Variants in TCIRG1 observed in about 807,000 individuals in gnomAD.
TCIRG1 encodes the protein V-type proton ATPase 116 kDa subunit a 3.
In TCIRG1, 86 loss-of-function variants were observed where a neutral mutation model predicts 95.5. The ratio of observed to expected loss-of-function variants is 0.90; its 90% confidence interval spans 0.76 to 1.08. TCIRG1 has a LOEUF of 1.08. Ranked by LOEUF, TCIRG1 falls within the 50% of genes least tolerant of loss-of-function variation. The pLI is 0.00. For synonymous variants in TCIRG1, 499 were observed against 501.3 expected (o/e 1.00, Z 0.06); for missense variants, 1,069 against 1,140.2 (o/e 0.94, Z 0.90).
In TCIRG1 at chr11:68,044,989, G is replaced by A. The variant is rs758621844; in HGVS notation, c.1052G>A (p.Arg351His). 76 of 1,608,478 alleles carry A rather than the reference G, an allele frequency of 4.7e-5. No homozygotes were observed. Among genetic ancestry groups the A allele is most frequent in the Non-Finnish European group, 5.7e-5 (67 of 1,179,976 alleles). The stretch of plus-strand genomic sequence containing the variant: ...GAGGGAGTGAGTGCCGTGGCTCACC[G>A]CATCCCCTGCCGGGACATGCCCCCC... ...MEEGVSAVAH[R>H]IPCRDMPPTL... Residue 351 changes from arginine (R) to histidine (H), a missense_variant, in exon 10 of 20, where the codon CGC becomes CAC. By Grantham distance (29) the Arg-to-His change is conservative (BLOSUM62 0). Transcript: ENST00000265686.
chr11:68,048,023 G>T, intron 13 of TCIRG1, 51 bp downstream of exon 13: 1 of 1,516,810 alleles, frequency 6.6e-7, no homozygotes, highest in Non-Finnish European at 9.2e-7. Flanking sequence ...CTGGGAGTGG[G>T]GGCTGGGGCT....
In TCIRG1 at chr11:68,048,934, T is replaced by C. The variant is rs1417375420; in HGVS notation, c.1610T>C (p.Met537Thr). 1 of 1,613,658 alleles carries C rather than the reference T, an allele frequency of 6.2e-7. No individual in the cohort carries two copies. Residue 537 changes from methionine (M) to threonine (T), a missense_variant, in exon 14 of 20, where the codon ATG becomes ACG. Physicochemically the swap from Met to Thr is moderately conservative, Grantham distance 81. Transcript: ENST00000265686. ...LSFLNSFKMK[M>T]SVILGVVHMA... ...TTCCTCAACTCCTTCAAGATGAAGA[T>C]GTCCGTCATCCTGGGCGTCGTGCAC... is the stretch of plus-strand genomic sequence containing the variant.
At chr11:68,048,292 T>G (rs112084669) in intron 13 of TCIRG1, 8 of 452,146 alleles carry the variant, frequency 1.8e-5, no homozygotes, top group African/African-American at 1.2e-4. Context: ...TGATTTTCTT[T>G]TTTCTTTTTT....
At position 68,050,760 on chromosome 11, in the gene TCIRG1, T is replaced by C; in HGVS notation, c.2434T>C (p.Phe812Leu). 1 of 1,613,914 alleles carries C rather than the reference T, an allele frequency of 6.2e-7. No homozygotes were observed. Among genetic ancestry groups the C allele is most frequent in the Non-Finnish European group, 8.5e-7 (1 of 1,180,020 alleles). Residue 812 changes from phenylalanine (F) to leucine (L), a missense_variant, in exon 20 of 20, where the codon TTC (phenylalanine) becomes CTC (leucine). Phe to Leu is a conservative substitution (Grantham distance 22). Transcript: ENST00000265686. ...RLHWVEFQNK[F>L]YSGTGYKLSP... Reference sequence around the variant, plus strand: ...CCCCAGGGTGGAATTCCAGAACAAGTTCTACTCAGGCACGGGCTACAAGCT... The same window carrying C: ...CCCCAGGGTGGAATTCCAGAACAAGCTCTACTCAGGCACGGGCTACAAGCT...
At chr11:68,049,839 G>A in intron 16 of TCIRG1, 51 bp downstream of exon 16, 1 of 1,555,446 alleles carries the variant, frequency 6.4e-7, no homozygotes, top group Non-Finnish European at 8.7e-7. Context: ...AGAGGCCACT[G>A]TCCGGTGTGT....
At chr11:68,044,400 C>A (rs900547302) in intron 9 of TCIRG1, 56 bp downstream of exon 9, 1 of 1,418,406 alleles carries the variant, frequency 7.1e-7, no homozygotes, top group Non-Finnish European at 9.6e-7. Flanking sequence ...CAGGCCGGGG[C>A]GTTTCTGCCT....
Position 68,047,972 on chromosome 11 carries a change from T to C in TCIRG1, c.1554T>C (p.Pro518=), listed in dbSNP as rs774370180. 2.5e-6 allele frequency: 4 copies of C among 1,613,270 alleles called. No individual in the cohort carries two copies. Among genetic ancestry groups the C allele is most frequent in the Non-Finnish European group, 3.4e-6 (4 of 1,179,588 alleles). The change falls in exon 13 of 20, where the codon CCT becomes CCC. Residue 518 remains proline (P), a splice_region_variant and synonymous_variant. Coordinates refer to ENST00000265686, the MANE Select transcript of TCIRG1 (RefSeq NM_006019.4). ...GACCCTACCCCTTTGGCATCGATCC[T>C]GTGAGTCCTGGGATGGAGTGTCCGT... is the stretch of plus-strand genomic sequence containing the variant. ...FLGPYPFGID[P]IWSLAANHLS...
rs200752093 is a variant in TCIRG1 at position 68,043,556 on chromosome 11, G to A, written c.631-15G>A. On this transcript the variant is annotated splice_polypyrimidine_tract_variant and intron_variant, in intron 6 of 19. Coordinates refer to ENST00000265686, the MANE Select transcript of TCIRG1 (RefSeq NM_006019.4). Reference sequence around the variant, plus strand: ...GCAGAGCGGGACCCCAGAGTCAGCTGAGCCTGCTCTGCAGGGCGAGCCAGC... The same window carrying A: ...GCAGAGCGGGACCCCAGAGTCAGCTAAGCCTGCTCTGCAGGGCGAGCCAGC... 8.7e-6 allele frequency: 14 copies of A among 1,603,712 alleles called. No homozygotes were observed. Among genetic ancestry groups the A allele is most frequent in the Non-Finnish European group, 1.7e-6 (2 of 1,175,782 alleles).
At chr11:68,041,412 G>C (rs1225256720) in intron 2 of TCIRG1, 24 bp downstream of exon 2, 1 of 1,534,438 alleles carries the variant, frequency 6.5e-7, no homozygotes, top group African/African-American at 1.4e-5. Context: ...GCAGGCGTGG[G>C]AAGGGGGCTA....
chr11:68,048,027 T>A, intron 13 of TCIRG1, 55 bp downstream of exon 13: 1 of 1,489,100 alleles, frequency 6.7e-7, no homozygotes, highest in Non-Finnish European at 9.4e-7. Context: ...GAGTGGGGGC[T>A]GGGGCTCCCC....
intron 10 of TCIRG1, among the ~76,000 whole-genome samples, chr11:68,046,037 G>A (rs1855466898): frequency 1.3e-5 from 2 of 152,230 alleles, no homozygotes; most frequent in South Asian, 4.1e-4. Context: ...GTGGGCAGAG[G>A]CTGGTGCAGC....
At chr11:68,044,679 G>T (rs941582764) in intron 9 of TCIRG1, 4 of 584,092 alleles carry the variant, frequency 6.8e-6, no homozygotes, top group Non-Finnish European at 1.2e-5. Flanking sequence ...GTCACCCGCC[G>T]CGCACAGCAG....
Position 68,049,961 on chromosome 11 carries a change from G to A in TCIRG1, c.2014-1G>A, listed in dbSNP as rs1197237618. On this transcript the variant is annotated splice_acceptor_variant, in intron 16 of 19. Transcript: ENST00000265686. LOFTEE classifies it high-confidence loss of function. ...GCCAACACTGCCTGCTCATGCCCCA[G>A]GAGGAAAACAAGGCCGGGTTGCTGG... is the stretch of plus-strand genomic sequence containing the variant. 3.7e-6 allele frequency: 6 copies of A among 1,609,668 alleles called. No homozygotes were observed. The highest frequency in any genetic ancestry group is 3.3e-5 in the South Asian group (3 of 90,674).
At chr11:68,041,241 C>T (rs1300736979) in intron 1 of TCIRG1, 27 bp from the exon 2 acceptor site, 5 of 1,503,640 alleles carry the variant, frequency 3.3e-6, no homozygotes, top group Non-Finnish European at 4.6e-6. Flanking sequence ...CTGCCCCTGA[C>T]TGGCCCCCAT....
In TCIRG1 at chr11:68,049,170, T is replaced by G; in HGVS notation, c.1763T>G (p.Val588Gly). The stretch of plus-strand genomic sequence containing the variant: ...CTCTTCGGTTACCTCGTGTTCCTAG[T>G]CATCTACAAGTGGCTGTGTGTCTGG... ...LGLFGYLVFLVIYKWLCVWAA... is the reference protein window; with the variant it reads ...LGLFGYLVFLGIYKWLCVWAA... Residue 588 changes from valine (V) to glycine (G), a missense_variant, in exon 15 of 20, where the codon GTC becomes GGC. Val to Gly is a moderately radical substitution (Grantham distance 109, BLOSUM62 -3). Coordinates refer to ENST00000265686, the MANE Select transcript of TCIRG1 (RefSeq NM_006019.4). 1 of 1,614,012 alleles carries G rather than the reference T, an allele frequency of 6.2e-7. No individual in the cohort carries two copies. The highest frequency in any genetic ancestry group is 8.5e-7 in the Non-Finnish European group (1 of 1,180,002).
downstream of TCIRG1, chr11:68,052,591 A>G (rs1319137963): frequency 8.5e-5 from 13 of 152,538 alleles, no homozygotes; most frequent in Admixed American, 7.9e-4. Flanking sequence ...ATCCCCAGGC[A>G]CCAGCACTGC....
chr11:68,041,809 T>C lies in TCIRG1; in HGVS notation c.174T>C (p.Cys58=). The change falls in exon 3 of 20, where the codon TGT becomes TGC. Residue 58 remains cysteine, a synonymous_variant. Transcript: ENST00000265686. ...GCTTTGTGGTTGATGTTCGGCGCTG[T>C]GAGGAGCTGGAGAAGACCTTCAGTG... The part of the protein sequence containing the change: ...QRRFVVDVRR[C]EELEKTFTFL... 1 of 1,609,366 alleles carries C rather than the reference T, an allele frequency of 6.2e-7. No individual in the cohort carries two copies. Among genetic ancestry groups the C allele is most frequent in the Middle Eastern group, 1.7e-4 (1 of 6,054 alleles).
chr11:68,050,731 T>C lies in TCIRG1; in HGVS notation c.2415-10T>C, dbSNP rs1855765219. 1 of 1,613,772 alleles carries C rather than the reference T, an allele frequency of 6.2e-7. No homozygotes were observed. The highest frequency in any genetic ancestry group is 8.5e-7 in the Non-Finnish European group (1 of 1,180,028). Reference sequence around the variant, plus strand: ...TTCCCCTCACCAACCCCTCTGCTTCTCACCCCCAGGGTGGAATTCCAGAAC... The same window carrying C: ...TTCCCCTCACCAACCCCTCTGCTTCCCACCCCCAGGGTGGAATTCCAGAAC... On this transcript the variant is annotated splice_polypyrimidine_tract_variant and intron_variant, in intron 19 of 19. Transcript: ENST00000265686.
chr11:68,050,218 T>G lies in TCIRG1; in HGVS notation c.2200T>G (p.Tyr734Asp), dbSNP rs1855730922. Residue 734 changes from tyrosine to aspartate, a missense_variant, in exon 18 of 20, where the codon TAC (tyrosine) becomes GAC (aspartate). Transcript: ENST00000265686. ...CLGCVSNTAS[Y>D]LRLWALSLAH... ...GGGCTGCGTCTCCAACACCGCCTCC[T>G]ACCTGCGCCTGTGGGCCCTGAGCCT... is the stretch of plus-strand genomic sequence containing the variant. The G allele has an allele frequency of 3.7e-6, 6 of 1,613,556 alleles. No individual in the cohort carries two copies. The East Asian group carries it at 8.9e-5, about 24-fold the overall frequency.
Sources: allele counts gnomAD v4.1 joint callset (sites outside exome capture counted in the v4.1 genomes callset), GRCh38; gene constraint gnomAD v4.1.1; transcripts MANE v1.5; gene names NCBI Gene and HGNC (gene_info 2026-07-23, HGNC 2026-07-21).